STAT4: variants seen among roughly 807,000 people sequenced by gnomAD.
STAT4 encodes signal transducer and activator of transcription 4.
STAT4 carries 42 observed loss-of-function variants against 110.5 expected under a neutral mutation model. That is an observed-to-expected ratio of 0.38 (90% CI 0.30 to 0.49). The LOEUF (loss-of-function observed/expected upper bound fraction) is 0.49, where lower values mean the gene tolerates loss of function less well. STAT4 is among the 20% of genes least tolerant of loss of function. The pLI is 0.95. For synonymous variants in STAT4, 284 were observed against 302.2 expected, an observed-to-expected ratio of 0.94 and a Z score of 0.63; for missense variants, 632 against 887.9, an observed-to-expected ratio of 0.71 and a Z score of 3.66.
chr2:191,044,643 C>T lies in STAT4; in HGVS notation c.1252-3495G>A, dbSNP rs569235654. 7.9e-5 allele frequency among the ~76,000 whole-genome samples: 12 copies of T among 152,154 alleles called. No homozygotes were observed. The South Asian group carries it at 2.1e-3, about 26-fold the overall frequency. ...GGTGAAAGGGAGTTTCAAAAACAAA[C>T]GAACAAAACAATAAACAAAAAACAA... On this transcript the variant is annotated intron_variant, in intron 14 of 23. Transcript: ENST00000392320.
rs1459578009 is a variant in STAT4, at chr2:191,091,000, A to T, written c.274-14675T>A. Among the ~76,000 whole-genome samples the T allele has an allele frequency of 6.6e-6, 1 of 152,222 alleles. No homozygotes were observed. The highest frequency in any genetic ancestry group is 1.9e-4 in the East Asian group (1 of 5,196). On this transcript the variant is annotated intron_variant, in intron 3 of 23. Coordinates refer to ENST00000392320, the MANE Select transcript of STAT4 (RefSeq NM_003151.4). This position sits in a 1 kb window ranked among gnomAD's most constrained non-coding sequence, Gnocchi z 4.2. ...TTAACCCTTCTAGACAATCACTCTG[A>T]AAAGCAGCTGGAGAGCCCTTTGTAC... is the stretch of plus-strand genomic sequence containing the variant.
At chr2:191,085,980 C>A (rs997535410) in intron 3 of STAT4, among the ~76,000 whole-genome samples, 5 of 151,916 alleles carry the variant, frequency 3.3e-5, no homozygotes, top group African/African-American at 1.2e-4. Context: ...TTCTTGTGAG[C>A]AAAATTTGAA....
chr2:191,126,644 A>C (rs1397028128), intron 3 of STAT4, among the ~76,000 whole-genome samples: 2 of 152,048 alleles, frequency 1.3e-5, no homozygotes, highest in African/African-American at 2.4e-5. Flanking sequence ...CTGGGTTGGC[A>C]GCTTCTCTGC....
rs1698580199 is a variant in STAT4 at position 191,116,609 on chromosome 2, CTT to C, written c.273+30002_273+30003del. ...TTTGGGAACAGTCCATCCCACTTAA[CTT>C]TCTCGGTTAAAGCAGGACACCACTG... On this transcript the variant is annotated intron_variant, in intron 3 of 23. Coordinates refer to ENST00000392320, the MANE Select transcript of STAT4 (RefSeq NM_003151.4). This position sits in a 1 kb window ranked among gnomAD's most constrained non-coding sequence, Gnocchi z 4.1. 6.6e-6 allele frequency among the ~76,000 whole-genome samples: 1 copy of C among 152,136 alleles called. No homozygotes were observed. The highest frequency in any genetic ancestry group is 2.4e-5 in the African/African-American group (1 of 41,428).
At chr2:191,057,977 T>TG (rs1559047803) in intron 13 of STAT4, 41 bp downstream of exon 13, 2 of 1,497,162 alleles carry the variant, frequency 1.3e-6, no homozygotes, top group Non-Finnish European at 1.9e-6. Flanking sequence ...TGTCTGATTT[T>TG]GGGGAAAAAA....
chr2:191,148,798 T>C (rs1559089277), intron 1 of STAT4, among the ~76,000 whole-genome samples: 1 of 152,234 alleles, frequency 6.6e-6, no homozygotes, highest in Admixed American at 6.5e-5. Context: ...GGCTCCAGTT[T>C]TTTAAATTAA....
Position 191,043,450 on chromosome 2 carries a change from T to A in STAT4, c.1252-2302A>T, listed in dbSNP as rs571029998. ...TGTCAAAGACATAAACAAATTGTAA[T>A]TCTTATATACCACTTATGCAATTGT... On this transcript the variant is annotated intron_variant, in intron 14 of 23. Coordinates refer to ENST00000392320, the MANE Select transcript of STAT4 (RefSeq NM_003151.4). This position sits in a 1 kb window ranked among gnomAD's most constrained non-coding sequence, Gnocchi z 4.8. Among the ~76,000 whole-genome samples, 3 of 152,318 alleles carry A rather than the reference T, an allele frequency of 2.0e-5. No homozygotes were observed. The highest frequency in any genetic ancestry group is 7.2e-5 in the African/African-American group (3 of 41,574).
chr2:191,073,131 C>T lies in STAT4; in HGVS notation c.432G>A (p.Glu144=), dbSNP rs757804856. ...TGTTTTTAATGGCAGCCACTTTGTG[C>T]TCCACATTCCTCTGTCTTTCTGAAA... ...SSVSERQRNV[E]HKVAAIKNSV... The change falls in exon 5 of 24, where the codon GAG becomes GAA. Residue 144 remains glutamate, a synonymous_variant. Transcript: ENST00000392320. The T allele has an allele frequency of 8.7e-6, 14 of 1,613,968 alleles. No individual in the cohort carries two copies. The South Asian group carries it at 9.9e-5, about 11-fold the overall frequency.
chr2:191,098,974 A>G (rs1318241909), intron 3 of STAT4, among the ~76,000 whole-genome samples: 4 of 151,580 alleles, frequency 2.6e-5, no homozygotes, highest in Admixed American at 2.0e-4. Flanking sequence ...TTATTAATAT[A>G]TAAAATATTC....
At chr2:191,098,332 T>A (rs1698063506) in intron 3 of STAT4, among the ~76,000 whole-genome samples, 1 of 152,240 alleles carries the variant, frequency 6.6e-6, no homozygotes, top group Non-Finnish European at 1.5e-5. Context: ...ACTGTGGCAC[T>A]ATTCACAATA....
chr2:191,120,171 A>G, intron 3 of STAT4, among the ~76,000 whole-genome samples: 1 of 152,228 alleles, frequency 6.6e-6, no homozygotes, highest in South Asian at 2.1e-4. Flanking sequence ...GAACGGTAAC[A>G]TTTTAAAAAA....
chr2:191,054,744 T>C (rs1211862933), intron 13 of STAT4, among the ~76,000 whole-genome samples: 1 of 152,198 alleles, frequency 6.6e-6, no homozygotes, highest in Non-Finnish European at 1.5e-5. Context: ...CTTTAGAAAC[T>C]TGGAGTTGGC....
At chr2:191,122,192 AC>A (rs1698754838) in intron 3 of STAT4, 1 of 152,144 alleles carries the variant, frequency 6.6e-6, no homozygotes, top group South Asian at 2.1e-4. Context: ...CTATGTACCT[AC>A]AAAAATTTAA....
chr2:191,135,908 A>G lies in STAT4; in HGVS notation c.273+10705T>C, dbSNP rs1186033579. Among the ~76,000 whole-genome samples the G allele has an allele frequency of 6.6e-6, 1 of 152,124 alleles. No individual in the cohort carries two copies. Among genetic ancestry groups the G allele is most frequent in the Non-Finnish European group, 1.5e-5 (1 of 68,020 alleles). ...CCTGGTACCAAAACCAGACAAGGAC[A>G]CAACACAAAGAGACAACTACAGGCC... On this transcript the variant is annotated intron_variant, in intron 3 of 23. Coordinates refer to ENST00000392320, the MANE Select transcript of STAT4 (RefSeq NM_003151.4). The surrounding 1 kb of genome is among the most constrained non-coding windows in gnomAD (Gnocchi z 4.8).
intron 3 of STAT4, among the ~76,000 whole-genome samples, chr2:191,102,229 T>C (rs1452901488): frequency 1.3e-5 from 2 of 152,176 alleles, no homozygotes; most frequent in East Asian, 3.8e-4. Context: ...AAATGGGCTA[T>C]GTGAGAATTT....
Position 191,090,884 on chromosome 2 carries a change from C to T in STAT4, c.274-14559G>A, listed in dbSNP as rs1159462782. Among the ~76,000 whole-genome samples, 2 of 152,172 alleles carry T rather than the reference C, an allele frequency of 1.3e-5. No homozygotes were observed. Among genetic ancestry groups the T allele is most frequent in the Non-Finnish European group, 1.5e-5 (1 of 68,038 alleles). ...AGGATTACAGGCGTGAGCCACCATA[C>T]CCGGCCTTAAACTACTTCTTAAAGG... On this transcript the variant is annotated intron_variant, in intron 3 of 23. Transcript: ENST00000392320. This position sits in a 1 kb window ranked among gnomAD's most constrained non-coding sequence, Gnocchi z 4.2.
At position 191,033,819 on chromosome 2, in the gene STAT4, A is replaced by C; in HGVS notation, c.1715+92T>G. ...CAACTATTTTTTTCTGTGGTACTAA[A>C]CATGCTTAAGAGAAAAAGAAAGAAG... is the stretch of plus-strand genomic sequence containing the variant. On this transcript the variant is annotated intron_variant, in intron 19 of 23. Coordinates refer to ENST00000392320, the MANE Select transcript of STAT4 (RefSeq NM_003151.4). This position sits in a 1 kb window ranked among gnomAD's most constrained non-coding sequence, Gnocchi z 6.9. 1 of 1,372,730 alleles carries C rather than the reference A, an allele frequency of 7.3e-7. No individual in the cohort carries two copies. The highest frequency in any genetic ancestry group is 2.3e-5 in the East Asian group (1 of 43,518). 85.0% of individuals were successfully genotyped at this position (1,372,730 alleles called of 1,614,324 possible). A position where few individuals can be genotyped will look rare whatever the true frequency, so the allele number is the denominator to read the frequency against.
intron 6 of STAT4, among the ~76,000 whole-genome samples, chr2:191,068,999 A>G (rs1038191290): frequency 1.3e-5 from 2 of 152,142 alleles, no homozygotes; most frequent in African/African-American, 4.8e-5. Context: ...CATTTATGCA[A>G]TTACTGAAAT....
At chr2:191,034,236 C>A (rs951521426) in intron 18 of STAT4, among the ~76,000 whole-genome samples, 16 of 152,032 alleles carry the variant, frequency 1.1e-4, no homozygotes, top group Admixed American at 9.8e-4. Flanking sequence ...TCCTGACTAA[C>A]ACGGTGAAAC....
Sources: gnomAD v4.1 joint callset for allele counts (sites outside exome capture counted in the v4.1 genomes callset) on GRCh38, gnomAD v4.1.1 for gene constraint, Gnocchi (gnomAD v3.1) non-coding constraint, MANE v1.5 for transcripts, NCBI Gene and HGNC (gene_info 2026-07-23, HGNC 2026-07-21) for gene names.